EPHA3: variants seen among roughly 807,000 people sequenced by gnomAD.
The protein encoded by EPHA3 is EPH receptor A3, also known as ephrin type-A receptor 3.
A neutral mutation model predicts 107.1 loss-of-function variants in EPHA3; 42 were observed. The ratio of observed to expected loss-of-function variants is 0.39; its 90% CI spans 0.31 to 0.51. EPHA3 has a LOEUF of 0.51. Among genes scored for constraint, EPHA3 ranks in the 20% least tolerant of loss-of-function variants. The pLI, the probability that EPHA3 is intolerant of heterozygous loss-of-function variation, is 0.78. For synonymous variants in EPHA3, 461 were observed against 424.8 expected (o/e 1.09, Z -1.05); for missense variants, 1,183 against 1,211.2 (o/e 0.98, Z 0.35).
At chr3:89,350,161 C>T (rs141681278) in intron 5 of EPHA3, among the ~76,000 whole-genome samples, 5,791 of 150,674 alleles carry the variant, frequency 0.038, 396 homozygotes, top group African/African-American at 0.13. Context: ...TGAACGTTGG[C>T]CTGCCTTGCT....
intron 2 of EPHA3, among the ~76,000 whole-genome samples, chr3:89,139,014 C>T (rs552540439): frequency 6.6e-6 from 1 of 151,674 alleles, no homozygotes; most frequent in East Asian, 2.0e-4. Context: ...AAAGTACTCT[C>T]GCAGTAGAAG....
chr3:89,433,118 A>T (rs1709601544), intron 13 of EPHA3, among the ~76,000 whole-genome samples: 1 of 152,122 alleles, frequency 6.6e-6, no homozygotes, highest in Admixed American at 6.5e-5. Context: ...ATCAAAACGT[A>T]TACAAGTATG....
chr3:89,422,901 C>A (rs77840451), intron 11 of EPHA3, among the ~76,000 whole-genome samples: 1,517 of 151,420 alleles, frequency 0.01, 20 homozygotes, highest in African/African-American at 0.031. Context: ...TGGTCTTAAA[C>A]AGGAGAAGGT....
At chr3:89,359,737 A>T (rs1708046934) in intron 5 of EPHA3, among the ~76,000 whole-genome samples, 2 of 141,238 alleles carry the variant, frequency 1.4e-5, no homozygotes, top group Admixed American at 1.5e-4. Flanking sequence ...ATACATATAT[A>T]CACATATATA....
chr3:89,206,766 T>C (rs1317313284), intron 2 of EPHA3, among the ~76,000 whole-genome samples: 1 of 152,198 alleles, frequency 6.6e-6, no homozygotes, highest in Non-Finnish European at 1.5e-5. Flanking sequence ...CTTATCTTCT[T>C]AAAAACTCAG....
chr3:89,369,350 T>C (rs1473112883), intron 5 of EPHA3, among the ~76,000 whole-genome samples: 1 of 150,488 alleles, frequency 6.6e-6, no homozygotes, highest in Non-Finnish European at 1.5e-5. Context: ...ATGCCACGTA[T>C]CTACAACTAT....
chr3:89,133,607 C>T (rs1704251071), intron 2 of EPHA3, among the ~76,000 whole-genome samples: 1 of 152,136 alleles, frequency 6.6e-6, no homozygotes, highest in South Asian at 2.1e-4. Flanking sequence ...GTGAATATGG[C>T]AGATGAGGCA....
At chr3:89,344,229 T>A (rs1342307976) in intron 5 of EPHA3, among the ~76,000 whole-genome samples, 1 of 152,158 alleles carries the variant, frequency 6.6e-6, no homozygotes, top group South Asian at 2.1e-4. Flanking sequence ...AAACTAATAG[T>A]TCCAAATATA....
At chr3:89,156,919 G>C (rs1459241332) in intron 2 of EPHA3, among the ~76,000 whole-genome samples, 2 of 151,476 alleles carry the variant, frequency 1.3e-5, no homozygotes, top group African/African-American at 4.9e-5. Context: ...AGGGCAGCCA[G>C]ATGGCCTAGG....
At chr3:89,280,462 A>T (rs1350010547) in intron 3 of EPHA3, among the ~76,000 whole-genome samples, 1 of 152,188 alleles carries the variant, frequency 6.6e-6, no homozygotes, top group Non-Finnish European at 1.5e-5. Context: ...TATACAGCTT[A>T]TACAAATCAG....
chr3:89,350,379 A>G (rs1294671832), intron 5 of EPHA3, among the ~76,000 whole-genome samples: 90 of 150,566 alleles, frequency 6.0e-4, no homozygotes, highest in Non-Finnish European at 9.8e-4. Flanking sequence ...ATCTTCCATC[A>G]CTGATACCCT....
At chr3:89,112,261 T>C (rs1214206031) in intron 1 of EPHA3, among the ~76,000 whole-genome samples, 1 of 152,076 alleles carries the variant, frequency 6.6e-6, no homozygotes, top group Non-Finnish European at 1.5e-5. Flanking sequence ...TTTAACATTT[T>C]TTAGTAGGTT....
chr3:89,461,057 A>G (rs1195345132), intron 15 of EPHA3, among the ~76,000 whole-genome samples: 4 of 106,666 alleles, frequency 3.8e-5, no homozygotes, highest in African/African-American at 1.6e-4. Flanking sequence ...ATTCCCACCT[A>G]TGAGTGAGAA....
chr3:89,126,544 A>C (rs575534319), intron 1 of EPHA3, among the ~76,000 whole-genome samples: 4 of 151,802 alleles, frequency 2.6e-5, no homozygotes, highest in East Asian at 3.9e-4. Context: ...TTCTGAGTAA[A>C]ACCACTAAAG....
rs200995645 is a variant in EPHA3 at position 89,210,049 on chromosome 3, A to G, written c.343A>G (p.Thr115Ala). ...CAATAGCATTCCATTGGTTTTAGGA[A>G]CTTGCAAGGAGACATTCAACCTGTA... ...DCNSIPLVLG[T>A]CKETFNLYYM... The change falls in exon 3 of 17, where the codon ACT becomes GCT. Residue 115 changes from threonine to alanine, a missense_variant. Coordinates refer to ENST00000336596, the MANE Select transcript of EPHA3 (RefSeq NM_005233.6). 55 of 1,613,822 alleles carry G rather than the reference A, an allele frequency of 3.4e-5. No individual in the cohort carries two copies. The highest frequency in any genetic ancestry group is 4.3e-5 in the Non-Finnish European group (51 of 1,179,858).
In EPHA3 at chr3:89,305,651, T is replaced by A. The variant is rs141305800; in HGVS notation, c.815-35265T>A. ...TTGTAAGGGGAAAAAACCTATAATA[T>A]GTTTTCTGAACTAGTGTGTGCCACC... On this transcript the variant is annotated intron_variant, in intron 3 of 16. Coordinates refer to ENST00000336596, the MANE Select transcript of EPHA3 (RefSeq NM_005233.6). 3.3e-3 allele frequency among the ~76,000 whole-genome samples: 495 copies of A among 152,252 alleles called. 2 individuals carry two copies. Among genetic ancestry groups the A allele is most frequent in the Non-Finnish European group, 3.4e-3 (229 of 68,022 alleles).
intron 6 of EPHA3, among the ~76,000 whole-genome samples, chr3:89,396,871 G>C (rs1576357068): frequency 6.6e-6 from 1 of 152,144 alleles, no homozygotes; most frequent in Admixed American, 6.5e-5. Flanking sequence ...CCTTATGGAA[G>C]TAGCAAAGTA....
chr3:89,480,701 G>A lies in EPHA3; in HGVS notation c.*1199G>A, dbSNP rs1360002067. ...TGAAACTTGCTGAGCTGTTTATAGA[G>A]AATGATGATAACAGAACTTTTCCTC... On this transcript the variant is annotated 3_prime_UTR_variant, in exon 17 of 17. Coordinates refer to ENST00000336596, the MANE Select transcript of EPHA3 (RefSeq NM_005233.6). 1 of 232,524 alleles carries A rather than the reference G, an allele frequency of 4.3e-6. No homozygotes were observed. The highest frequency in any genetic ancestry group is 8.5e-6 in the Non-Finnish European group (1 of 117,470). The allele number at this position is 232,524 out of a possible 1,614,324, so 14.4% of individuals were successfully genotyped here. A position where few individuals can be genotyped will look rare whatever the true frequency, so the allele number is the denominator to read the frequency against.
At chr3:89,219,620 T>C (rs994980232) in intron 3 of EPHA3, among the ~76,000 whole-genome samples, 1 of 149,776 alleles carries the variant, frequency 6.7e-6, no homozygotes, top group Non-Finnish European at 1.5e-5. Context: ...GTATTACCTA[T>C]AGAATTCTGG....
Sources: gnomAD v4.1 joint callset for allele counts (sites outside exome capture counted in the v4.1 genomes callset) on GRCh38, gnomAD v4.1.1 for gene constraint, MANE v1.5 for transcripts, NCBI Gene and HGNC (gene_info 2026-07-23, HGNC 2026-07-21) for gene names.